TNFAIP8L3: variants seen among roughly 807,000 people sequenced by gnomAD.
TNFAIP8L3 encodes tumor necrosis factor alpha-induced protein 8-like protein 3.
A neutral mutation model predicts 11.8 loss-of-function variants in TNFAIP8L3; 7 were observed. That is an observed-to-expected ratio of 0.59 (90% CI 0.34 to 1.11). The LOEUF (loss-of-function observed/expected upper bound fraction) is 1.11, where lower values mean the gene tolerates loss of function less well. Among genes scored for constraint, TNFAIP8L3 ranks in the 50% most tolerant of loss-of-function variants. The pLI is 0.03. For missense variants in TNFAIP8L3, 219 were observed against 258.6 expected (o/e 0.85, Z 1.05); for synonymous variants, 98 against 103.8 (o/e 0.94, Z 0.34).
chr15:51,095,309 A>G (rs973805135), upstream of TNFAIP8L3, among the ~76,000 whole-genome samples: 1 of 151,636 alleles, frequency 6.6e-6, no homozygotes, highest in African/African-American at 2.4e-5. Context: ...TGACAGTTGG[A>G]CTGTTGTGGA....
intron 1 of TNFAIP8L3, among the ~76,000 whole-genome samples, chr15:51,061,420 A>G (rs907201998): frequency 6.6e-6 from 1 of 152,278 alleles, no homozygotes; most frequent in Non-Finnish European, 1.5e-5. Context: ...TAATGTAAAT[A>G]GTGACATTTT....
chr15:51,105,113 C>G, exon 1 of TNFAIP8L3: 1 of 1,614,156 alleles, frequency 6.2e-7, no homozygotes, highest in Non-Finnish European at 8.5e-7. Context: ...CACAGTTTCC[C>G]CTTTGGCTCT....
chr15:51,083,116 C>G (rs2065403977), intron 1 of TNFAIP8L3, among the ~76,000 whole-genome samples: 1 of 152,174 alleles, frequency 6.6e-6, no homozygotes, highest in South Asian at 2.1e-4. Context: ...CCTGACTGGG[C>G]TACCTCTGCT....
chr15:51,070,202 T>C (rs560060386), intron 1 of TNFAIP8L3, among the ~76,000 whole-genome samples: 1 of 152,354 alleles, frequency 6.6e-6, no homozygotes, highest in African/African-American at 2.4e-5. Context: ...GTGAAGCCAC[T>C]GGGGGGTGAA....
intron 1 of TNFAIP8L3, among the ~76,000 whole-genome samples, chr15:51,076,741 C>T (rs2065353089): frequency 1.3e-5 from 2 of 152,142 alleles, no homozygotes; most frequent in African/African-American, 4.8e-5. Context: ...GGCCTCCAGC[C>T]CTGCCCTGCC....
chr15:51,077,764 G>C (rs1033107068), intron 1 of TNFAIP8L3, among the ~76,000 whole-genome samples: 2 of 152,236 alleles, frequency 1.3e-5, no homozygotes, highest in African/African-American at 4.8e-5. Flanking sequence ...TGGGGGAACA[G>C]GGGGCGGAGC....
intron 1 of TNFAIP8L3, among the ~76,000 whole-genome samples, chr15:51,062,217 T>G (rs972097029): frequency 1.6e-4 from 24 of 151,170 alleles, no homozygotes; most frequent in Non-Finnish European, 2.9e-4. Context: ...GAGGCTGCAG[T>G]GAGCTGTGAT....
chr15:51,099,164 T>C (rs992207448), upstream of TNFAIP8L3, among the ~76,000 whole-genome samples: 1 of 152,226 alleles, frequency 6.6e-6, no homozygotes, highest in African/African-American at 2.4e-5. Flanking sequence ...ATTCTTGCAT[T>C]TGTCCAGCAT....
chr15:51,077,544 C>T (rs998996192), intron 1 of TNFAIP8L3, among the ~76,000 whole-genome samples: 1 of 152,196 alleles, frequency 6.6e-6, no homozygotes. Context: ...ATTGTTTGTA[C>T]CCTGGCAGTT....
chr15:51,097,985 A>G (rs2065526129), upstream of TNFAIP8L3, among the ~76,000 whole-genome samples: 1 of 152,186 alleles, frequency 6.6e-6, no homozygotes, highest in African/African-American at 2.4e-5. Flanking sequence ...CACCTTCCTC[A>G]GTGTTTCCAC....
At chr15:51,091,734 TAATG>T in intron 1 of TNFAIP8L3, among the ~76,000 whole-genome samples, 1 of 149,988 alleles carries the variant, frequency 6.7e-6, no homozygotes, top group East Asian at 2.0e-4. Flanking sequence ...ACACCAGAGA[TAATG>T]AACAAGAGAC....
At chr15:51,072,174 C>T (rs1445271286) in intron 1 of TNFAIP8L3, among the ~76,000 whole-genome samples, 1 of 151,846 alleles carries the variant, frequency 6.6e-6, no homozygotes, top group African/African-American at 2.4e-5. Context: ...GAGTTTCACT[C>T]TTGTTGCCCA....
chr15:51,104,932 C>T, intron 1 of TNFAIP8L3: 2 of 1,594,188 alleles, frequency 1.3e-6, no homozygotes, highest in Non-Finnish European at 1.7e-6. Context: ...CTCAGCTCGC[C>T]ACCTTGCATG....
At chr15:51,089,385 G>T (rs192456780) in intron 1 of TNFAIP8L3, among the ~76,000 whole-genome samples, 2 of 152,286 alleles carry the variant, frequency 1.3e-5, no homozygotes, top group Admixed American at 1.3e-4. Context: ...TAACCATAAA[G>T]TATGCAATAG....
intron 1 of TNFAIP8L3, among the ~76,000 whole-genome samples, chr15:51,074,682 A>G (rs926465106): frequency 6.6e-6 from 1 of 152,226 alleles, no homozygotes; most frequent in Non-Finnish European, 1.5e-5. Context: ...AGTCGGGATG[A>G]CAGCCAAACA....
rs189686098 is a variant in TNFAIP8L3 at position 51,094,552 on chromosome 15, G to C, written c.44C>G (p.Thr15Ser). ...SGEQSEGEPV[T>S]AAGPDVFSSK... is the part of the protein sequence containing the mutation. ...TCGCGGCCCCTAGGTACCTGCGGCG[G>C]TCACGGGCTCGCCCTCGCTCTGCTC... The change falls in exon 1 of 2, where the codon ACC becomes AGC. Residue 15 changes from threonine (T) to serine (S), a missense_variant. Transcript: ENST00000637513. This position sits in a 1 kb window ranked among gnomAD's most constrained non-coding sequence, Gnocchi z 4.4. The C allele has an allele frequency of 5.3e-4, 800 of 1,503,530 alleles. 2 individuals carry two copies. In the African/African-American group the frequency reaches 8.9e-3, roughly 17 times the overall value. The allele number at this position is 1,503,530 out of a possible 1,614,324, so 93.1% of individuals were successfully genotyped here.
chr15:51,075,249 C>T lies in TNFAIP8L3; in HGVS notation c.53-16806G>A, dbSNP rs7179759. ...CAAGGTCCACCCTTTGCCTTTCATA[C>T]GGAGCTATCTGCTTGGCCCACTTGG... On this transcript the variant is annotated intron_variant, in intron 1 of 1. Coordinates refer to ENST00000637513, the MANE Select transcript of TNFAIP8L3 (RefSeq NM_001311175.2). Among the ~76,000 whole-genome samples the T allele has an allele frequency of 5.9e-5, 9 of 152,172 alleles. No homozygotes were observed. In the East Asian group the frequency reaches 1.2e-3, roughly 20 times the overall value.
chr15:51,089,241 G>A (rs1468088622), intron 1 of TNFAIP8L3, among the ~76,000 whole-genome samples: 2 of 151,952 alleles, frequency 1.3e-5, no homozygotes, highest in Admixed American at 6.6e-5. Flanking sequence ...CCATCCATCC[G>A]CCCACCCACC....
At chr15:51,099,640 T>C (rs2065536956), upstream of TNFAIP8L3, among the ~76,000 whole-genome samples, 1 of 152,196 alleles carries the variant, frequency 6.6e-6, no homozygotes, top group Non-Finnish European at 1.5e-5. Context: ...CTATGGGATG[T>C]GACTCCACTG....
Sources: gnomAD v4.1 joint callset for allele counts (sites outside exome capture counted in the v4.1 genomes callset) on GRCh38, gnomAD v4.1.1 for gene constraint, Gnocchi (gnomAD v3.1) non-coding constraint, MANE v1.5 for transcripts, NCBI Gene and HGNC (gene_info 2026-07-23, HGNC 2026-07-21) for gene names.